TSG101: variants seen among roughly 807,000 people sequenced by gnomAD.
The protein encoded by TSG101 is tumor susceptibility gene 101 protein.
In TSG101, 19 loss-of-function variants were observed where a neutral mutation model predicts 48.5. The ratio of observed to expected loss-of-function variants is 0.39; its 90% CI spans 0.27 to 0.58. The LOEUF is 0.58. Ranked by LOEUF, TSG101 falls within the 20% of genes least tolerant of loss-of-function variation. The pLI is 0.55. For synonymous variants in TSG101, 174 were observed against 169.4 expected (o/e 1.03, Z -0.21); for missense variants, 365 against 484.4 (o/e 0.75, Z 2.31).
At position 18,516,136 on chromosome 11, in the gene TSG101, T is replaced by C; in HGVS notation, c.156A>G (p.Leu52=). ...YVFNDGSSRE[L]MNLTGTIPVP... is the part of the protein sequence containing the mutation. Reference sequence around the variant, plus strand: ...CAGGGATTGTTCCAGTGAGGTTCATTAGTTCCCTGGAACTGCCATCGTTAA... The same window carrying C: ...CAGGGATTGTTCCAGTGAGGTTCATCAGTTCCCTGGAACTGCCATCGTTAA... The change falls in exon 3 of 10, where the codon CTA becomes CTG. Residue 52 remains leucine (L), a synonymous_variant. Transcript: ENST00000251968. The C allele has an allele frequency of 6.2e-7, 1 of 1,614,028 alleles. No individual in the cohort carries two copies. The highest frequency in any genetic ancestry group is 8.5e-7 in the Non-Finnish European group (1 of 1,179,990).
intron 7 of TSG101, among the ~76,000 whole-genome samples, chr11:18,493,935 A>AG (rs796595822): frequency 5.9e-5 from 9 of 152,294 alleles, no homozygotes; most frequent in African/African-American, 2.2e-4. Flanking sequence ...CAAAGAAATT[A>AG]GGGGGCCTCA....
At chr11:18,518,892 CCT>C (rs1850222231) in intron 2 of TSG101, among the ~76,000 whole-genome samples, 2 of 152,096 alleles carry the variant, frequency 1.3e-5, no homozygotes, top group South Asian at 4.1e-4. Flanking sequence ...TGCCTCTACC[CCT>C]GTTCCCAGCA....
At chr11:18,506,189 G>T (rs893067893) in intron 6 of TSG101, among the ~76,000 whole-genome samples, 4 of 152,052 alleles carry the variant, frequency 2.6e-5, no homozygotes, top group Non-Finnish European at 4.4e-5. Flanking sequence ...TCAATCTACA[G>T]AAAAGCAGCT....
At chr11:18,503,949 AT>A (rs1277272991) in intron 6 of TSG101, among the ~76,000 whole-genome samples, 1 of 152,110 alleles carries the variant, frequency 6.6e-6, no homozygotes, top group Non-Finnish European at 1.5e-5. Flanking sequence ...CACACCTGTA[AT>A]CCTAGCACTT....
At chr11:18,517,112 T>A (rs767826745) in intron 2 of TSG101, among the ~76,000 whole-genome samples, 5 of 151,878 alleles carry the variant, frequency 3.3e-5, no homozygotes, top group Non-Finnish European at 7.4e-5. Flanking sequence ...ATCCTCAAAC[T>A]CTAGGCTCAA....
At chr11:18,500,046 C>T (rs1010347581) in intron 7 of TSG101, among the ~76,000 whole-genome samples, 28 of 152,210 alleles carry the variant, frequency 1.8e-4, no homozygotes, top group African/African-American at 6.0e-4. Context: ...TATCATTCTA[C>T]TGTCTACCTC....
At chr11:18,514,473 A>G (rs192156287) in intron 4 of TSG101, among the ~76,000 whole-genome samples, 4 of 152,344 alleles carry the variant, frequency 2.6e-5, no homozygotes, top group South Asian at 2.1e-4. Flanking sequence ...AATATTGAAT[A>G]TAAGTATTCT....
At chr11:18,499,436 A>T (rs1849853192) in intron 7 of TSG101, among the ~76,000 whole-genome samples, 1 of 37,470 alleles carries the variant, frequency 2.7e-5, no homozygotes, top group African/African-American at 8.8e-5. Flanking sequence ...CCTGAGATGG[A>T]GTCCCACTCT....
intron 1 of TSG101, among the ~76,000 whole-genome samples, chr11:18,525,356 C>T (rs1850352275): frequency 6.6e-6 from 1 of 151,826 alleles, no homozygotes; most frequent in East Asian, 1.9e-4. Context: ...ACCAGCCTGG[C>T]CAACATGGTG....
chr11:18,481,127 C>T (rs1384092418), intron 9 of TSG101, among the ~76,000 whole-genome samples: 1 of 152,134 alleles, frequency 6.6e-6, no homozygotes, highest in East Asian at 1.9e-4. Context: ...CAGCAGTAGC[C>T]AAACTTCGCT....
intron 1 of TSG101, among the ~76,000 whole-genome samples, chr11:18,520,780 C>G (rs1005492727): frequency 6.6e-6 from 1 of 152,108 alleles, no homozygotes; most frequent in Non-Finnish European, 1.5e-5. Context: ...CACTTGTAAT[C>G]CTAGCATTTT....
In TSG101 at chr11:18,517,185, C is replaced by CT. The variant is rs879379932; in HGVS notation, c.128-1022dup. On this transcript the variant is annotated intron_variant, in intron 2 of 9. Coordinates refer to ENST00000251968, the MANE Select transcript of TSG101 (RefSeq NM_006292.4). ...TACAGGCGTGCACTACCATGCCCAG[C>CT]TTTTTTTTTTTTTAGAAATGGGGTC... 3.0e-3 allele frequency among the ~76,000 whole-genome samples: 420 copies of CT among 142,070 alleles called. 2 individuals carry two copies. Among genetic ancestry groups the CT allele is most frequent in the Admixed American group, 5.0e-3 (71 of 14,180 alleles). 93.2% of individuals were successfully genotyped at this position (142,070 alleles called of 152,430 possible).
intron 3 of TSG101, 64 bp downstream of exon 3, chr11:18,516,035 T>A: frequency 6.9e-7 from 1 of 1,448,792 alleles, no homozygotes; most frequent in Non-Finnish European, 9.5e-7. Context: ...GTTATAACTC[T>A]TTGGCAACAT....
rs1034119368 is a variant in TSG101, at chr11:18,480,402, A to G, written c.*144T>C. 1.6e-6 allele frequency: 1 copy of G among 638,944 alleles called. No individual in the cohort carries two copies. The highest frequency in any genetic ancestry group is 2.5e-6 in the Non-Finnish European group (1 of 395,594). The allele number at this position is 638,944 out of a possible 1,614,324, so 39.6% of individuals were successfully genotyped here. On this transcript the variant is annotated 3_prime_UTR_variant, in exon 10 of 10. Transcript: ENST00000251968. Reference sequence around the variant, plus strand: ...GCATTAATAAAAGCCAGTCTTTACCAAAAGAAAACAGAAAATATATTATTG... The same window carrying G: ...GCATTAATAAAAGCCAGTCTTTACCGAAAGAAAACAGAAAATATATTATTG...
intron 2 of TSG101, among the ~76,000 whole-genome samples, 192 bp from the exon 3 acceptor site, chr11:18,516,356 G>GTT (rs71313424): frequency 2.7e-5 from 4 of 147,650 alleles, no homozygotes; most frequent in Non-Finnish European, 4.5e-5. Context: ...GCTCTTTTTT[G>GTT]TTTTTTTTTT....
Position 18,516,146 on chromosome 11 carries a change from G to T in TSG101, c.146C>A (p.Ser49Tyr). ...TCCAGTGAGGTTCATTAGTTCCCTG[G>T]AACTGCCATCGTTAAAAACTGAAAG... Reference protein sequence around the residue: ...LDSYVFNDGSSRELMNLTGTI... With the variant: ...LDSYVFNDGSYRELMNLTGTI... The change falls in exon 3 of 10, where the codon TCC (serine) becomes TAC (tyrosine). Residue 49 changes from serine to tyrosine, a missense_variant. By Grantham distance (144) the Ser-to-Tyr change is moderately radical. Transcript: ENST00000251968. The T allele has an allele frequency of 6.2e-7, 1 of 1,613,796 alleles. No homozygotes were observed. Among genetic ancestry groups the T allele is most frequent in the South Asian group, 1.1e-5 (1 of 91,036 alleles).
chr11:18,480,323 T>A lies in TSG101; in HGVS notation c.*223A>T, dbSNP rs1849508353. ...AAGGAGAGAAAAATTATGCAACAAA[T>A]TTTATTTAGCAGTCCCAACATTCAG... On this transcript the variant is annotated 3_prime_UTR_variant, in exon 10 of 10. Coordinates refer to ENST00000251968, the MANE Select transcript of TSG101 (RefSeq NM_006292.4). 1 of 353,716 alleles carries A rather than the reference T, an allele frequency of 2.8e-6. No homozygotes were observed. The highest frequency in any genetic ancestry group is 2.1e-5 in the African/African-American group (1 of 47,536). The allele number at this position is 353,716 out of a possible 1,614,324, so 21.9% of individuals were successfully genotyped here. A position where few individuals can be genotyped will look rare whatever the true frequency, so the allele number is the denominator to read the frequency against.
Position 18,525,140 on chromosome 11 carries a change from C to T in TSG101, c.42+1635G>A, listed in dbSNP as rs191153569. On this transcript the variant is annotated intron_variant, in intron 1 of 9. Transcript: ENST00000251968. ...ATCAGGCTGGTCTTGAACTCGTGAC[C>T]TCAGGTGATCCACCCGCCTTGGCCT... 1.4e-3 allele frequency among the ~76,000 whole-genome samples: 214 copies of T among 152,194 alleles called. 1 individual carries two copies. Among genetic ancestry groups the T allele is most frequent in the African/African-American group, 4.7e-3 (194 of 41,536 alleles).
At position 18,483,867 on chromosome 11, in the gene TSG101, T is replaced by G; in HGVS notation, c.843+3A>C. 3 of 1,614,020 alleles carry G rather than the reference T, an allele frequency of 1.9e-6. No homozygotes were observed. Among genetic ancestry groups the G allele is most frequent in the Non-Finnish European group, 2.5e-6 (3 of 1,180,028 alleles). ...AATTTTAAGTCTTTAATGAGTCACT[T>G]ACTACTTCTTGATCTAAACGGGTAA... On this transcript the variant is annotated splice_donor_region_variant and intron_variant, in intron 8 of 9. Transcript: ENST00000251968.
Sources: gnomAD v4.1 joint callset for allele counts (sites outside exome capture counted in the v4.1 genomes callset) on GRCh38, gnomAD v4.1.1 for gene constraint, MANE v1.5 for transcripts, NCBI Gene and HGNC (gene_info 2026-07-23, HGNC 2026-07-21) for gene names.